CDH13: variants seen among roughly 807,000 people sequenced by gnomAD.
The protein encoded by CDH13 is cadherin 13.
In CDH13, 24 loss-of-function variants were observed where a neutral mutation model predicts 63.8. That is an observed-to-expected ratio of 0.38 (90% confidence interval 0.27 to 0.53). The LOEUF is 0.53. Among genes scored for constraint, CDH13 ranks in the 20% least tolerant of loss-of-function variants. The pLI is 0.85. For synonymous variants in CDH13, 503 were observed against 355.3 expected (o/e 1.42, Z -4.67); for missense variants, 1,049 against 903.1 (o/e 1.16, Z -2.07).
chr16:82,808,045 G>T (rs1339442040), intron 1 of CDH13, among the ~76,000 whole-genome samples: 1 of 152,132 alleles, frequency 6.6e-6, no homozygotes, highest in Non-Finnish European at 1.5e-5. Context: ...GGGGCAAAAT[G>T]GGGAGGAGAG....
intron 7 of CDH13, among the ~76,000 whole-genome samples, chr16:83,585,508 C>T (rs112184722): frequency 0.018 from 2,757 of 152,104 alleles, 34 homozygotes; most frequent in Non-Finnish European, 0.027. Flanking sequence ...TTGCTTTGGG[C>T]CATGCTGTGT....
chr16:83,057,174 C>T (rs773839662), intron 3 of CDH13, among the ~76,000 whole-genome samples: 7 of 152,086 alleles, frequency 4.6e-5, no homozygotes, highest in Admixed American at 1.3e-4. Flanking sequence ...ACCATGTTGG[C>T]CAGGATGGTC....
In CDH13 at chr16:82,685,479, A is replaced by C. The variant is rs548203745; in HGVS notation, c.45+58342A>C. Reference sequence around the variant, plus strand: ...TGGGGGTTAGACATTTAACATATGGATGTTGGGGGGAATAAATCTTTAGCC... The same window carrying C: ...TGGGGGTTAGACATTTAACATATGGCTGTTGGGGGGAATAAATCTTTAGCC... On this transcript the variant is annotated intron_variant, in intron 1 of 13. Transcript: ENST00000567109. Among the ~76,000 whole-genome samples, 17 of 152,240 alleles carry C rather than the reference A, an allele frequency of 1.1e-4. 1 individual carries two copies. The highest frequency in any genetic ancestry group is 4.1e-4 in the African/African-American group (17 of 41,534).
At chr16:83,392,325 A>G (rs752156542) in intron 6 of CDH13, among the ~76,000 whole-genome samples, 3 of 152,190 alleles carry the variant, frequency 2.0e-5, no homozygotes, top group Non-Finnish European at 2.9e-5. Context: ...CACGAGCTGT[A>G]AGTACTAAAT....
intron 8 of CDH13, among the ~76,000 whole-genome samples, chr16:83,668,714 T>G (rs1372930301): frequency 6.6e-6 from 1 of 152,182 alleles, no homozygotes; most frequent in African/African-American, 2.4e-5. Flanking sequence ...GAGACTTAGG[T>G]CTGATCTTTG....
At chr16:83,140,926 A>T (rs1431500390) in intron 4 of CDH13, among the ~76,000 whole-genome samples, 1 of 152,238 alleles carries the variant, frequency 6.6e-6, no homozygotes, top group East Asian at 1.9e-4. Context: ...GATCTGCCAC[A>T]TGAAAAATGA....
At position 82,644,186 on chromosome 16, in the gene CDH13, G is replaced by C. The variant is rs367853753; in HGVS notation, c.45+17049G>C. ...TTACCCAAATTAACATGAATGTTTG[G>C]CACCCTTTGGCTGGTGCGGCTGAAG... On this transcript the variant is annotated intron_variant, in intron 1 of 13. Transcript: ENST00000567109. The surrounding 1 kb of genome is among the most constrained non-coding windows in gnomAD (Gnocchi z 5.7). Among the ~76,000 whole-genome samples the C allele has an allele frequency of 1.1e-3, 174 of 152,236 alleles. No individual in the cohort carries two copies. The highest frequency in any genetic ancestry group is 3.9e-3 in the African/African-American group (160 of 41,542).
chr16:83,153,148 G>A (rs2037061316), intron 4 of CDH13, among the ~76,000 whole-genome samples: 1 of 152,144 alleles, frequency 6.6e-6, no homozygotes, highest in Admixed American at 6.5e-5. Flanking sequence ...CAATTCCCCT[G>A]AGCATTTGGG....
intron 6 of CDH13, among the ~76,000 whole-genome samples, chr16:83,417,234 G>C (rs2071576841): frequency 6.6e-6 from 1 of 152,130 alleles, no homozygotes; most frequent in African/African-American, 2.4e-5. Context: ...TTTGACCTGG[G>C]CTTCCCTGCT....
intron 5 of CDH13, among the ~76,000 whole-genome samples, chr16:83,319,281 C>T (rs1330516668): frequency 6.6e-6 from 1 of 152,182 alleles, no homozygotes; most frequent in Non-Finnish European, 1.5e-5. Context: ...AAATATTTGA[C>T]CTCTAGGATT....
chr16:83,515,193 C>A (rs769625078), intron 7 of CDH13, among the ~76,000 whole-genome samples: 1 of 152,164 alleles, frequency 6.6e-6, no homozygotes. Context: ...TACTTGAGGA[C>A]TCATGCCTCA....
chr16:83,393,283 C>G (rs1388812096), intron 6 of CDH13, among the ~76,000 whole-genome samples: 1 of 152,048 alleles, frequency 6.6e-6, no homozygotes, highest in African/African-American at 2.4e-5. Context: ...AGGAAGCATT[C>G]TCGTGGGAAT....
At chr16:83,095,419 T>C (rs146680571) in intron 3 of CDH13, among the ~76,000 whole-genome samples, 274 of 152,332 alleles carry the variant, frequency 1.8e-3, no homozygotes, top group Middle Eastern at 6.8e-3. Context: ...TTTGTAAACA[T>C]CATCAGTGAT....
At chr16:83,590,503 A>T (rs1906631164) in intron 7 of CDH13, among the ~76,000 whole-genome samples, 1 of 152,198 alleles carries the variant, frequency 6.6e-6, no homozygotes, top group Non-Finnish European at 1.5e-5. Flanking sequence ...CATGGAGGAT[A>T]AGGGAGAGCA....
At chr16:83,249,044 C>T in intron 5 of CDH13, among the ~76,000 whole-genome samples, 1 of 152,212 alleles carries the variant, frequency 6.6e-6, no homozygotes, top group East Asian at 1.9e-4. Context: ...GTTGCAGTCT[C>T]TTATCTGACT....
At chr16:82,883,574 G>C (rs2040780958) in intron 2 of CDH13, among the ~76,000 whole-genome samples, 1 of 152,218 alleles carries the variant, frequency 6.6e-6, no homozygotes, top group Admixed American at 6.5e-5. Context: ...TCTCCTGTTA[G>C]TCTAGACAGT....
At chr16:83,152,179 C>G (rs1177686539) in intron 4 of CDH13, among the ~76,000 whole-genome samples, 1 of 152,194 alleles carries the variant, frequency 6.6e-6, no homozygotes, top group Admixed American at 6.5e-5. Flanking sequence ...GTGGGAAATT[C>G]TTGCCACATC....
chr16:83,771,342 C>A (rs1914748013), intron 11 of CDH13, among the ~76,000 whole-genome samples: 1 of 152,176 alleles, frequency 6.6e-6, no homozygotes, highest in African/African-American at 2.4e-5. Flanking sequence ...CACTGCTCAA[C>A]TTGAAGAAAT....
chr16:83,154,332 G>T (rs2037116445), intron 4 of CDH13, among the ~76,000 whole-genome samples: 1 of 152,000 alleles, frequency 6.6e-6, no homozygotes, highest in Non-Finnish European at 1.5e-5. Flanking sequence ...TGAGGCTGGG[G>T]GTTCACAAGG....
Sources: gnomAD v4.1 joint callset for allele counts (sites outside exome capture counted in the v4.1 genomes callset) on GRCh38, gnomAD v4.1.1 for gene constraint, Gnocchi (gnomAD v3.1) non-coding constraint, MANE v1.5 for transcripts, NCBI Gene and HGNC (gene_info 2026-07-23, HGNC 2026-07-21) for gene names.